The following TVP23A variants were observed in gnomAD, a reference collection of about 807,000 sequenced individuals.
TVP23A encodes trans-golgi network vesicle protein 23 homolog A, also known as Golgi apparatus membrane protein TVP23 homolog A.
Under a neutral mutation model 31.7 loss-of-function variants are expected in TVP23A, and 21 were observed. That is an observed-to-expected ratio of 0.66 (90% confidence interval 0.47 to 0.95). The LOEUF is 0.95. Among genes scored for constraint, TVP23A ranks in the 40% least tolerant of loss-of-function variants. The pLI is 0.00. For synonymous variants in TVP23A, 104 were observed against 96.0 expected (o/e 1.08, Z -0.49); for missense variants, 279 against 255.6 (o/e 1.09, Z -0.62).
Position 10,771,749 on chromosome 16 carries a change from T to C in TVP23A, c.503A>G (p.Tyr168Cys). ...GTTGCCTCCCATCTTACAAAGGATGTAGCCATACAGGTTTGCAGCTTGGAG... is the reference window on the plus strand; with the variant it reads ...GTTGCCTCCCATCTTACAAAGGATGCAGCCATACAGGTTTGCAGCTTGGAG... The part of the protein sequence containing the change: ...ISLQAANLYG[Y>C]ILCKMGGNSD... The change falls in exon 6 of 8, where the codon TAC (tyrosine) becomes TGC (cysteine). Residue 168 changes from tyrosine to cysteine, a missense_variant. Coordinates refer to ENST00000299866, the MANE Select transcript of TVP23A (RefSeq NM_001079512.4). 5 of 1,605,860 alleles carry C rather than the reference T, an allele frequency of 3.1e-6. No homozygotes were observed. Among genetic ancestry groups the C allele is most frequent in the South Asian group, 1.1e-5 (1 of 89,306 alleles).
chr16:10,770,128 C>A, intron 7 of TVP23A, 144 bp downstream of exon 7: 1 of 1,030,232 alleles, frequency 9.7e-7, no homozygotes, highest in Non-Finnish European at 1.4e-6. Flanking sequence ...GCCCATTGCC[C>A]AGTCTGCTTC....
chr16:10,785,470 C>A (rs562413082), intron 2 of TVP23A, among the ~76,000 whole-genome samples: 1 of 152,240 alleles, frequency 6.6e-6, no homozygotes, highest in African/African-American at 2.4e-5. Context: ...TCTAAGAGTA[C>A]ACAGAGAAAC....
chr16:10,775,148 A>C, intron 2 of TVP23A, 52 bp from the exon 3 acceptor site: 10 of 1,565,590 alleles, frequency 6.4e-6, no homozygotes, highest in Non-Finnish European at 7.8e-6. Flanking sequence ...GCGGATGGTC[A>C]CTGAACTCCC....
At chr16:10,758,455 C>T (rs566530523), downstream of TVP23A, among the ~76,000 whole-genome samples, 190 of 152,272 alleles carry the variant, frequency 1.2e-3, 2 homozygotes, top group African/African-American at 4.3e-3. Flanking sequence ...CCAGCGCAAG[C>T]GAGTGAGGCC....
rs755540705 is a variant in TVP23A at position 10,768,018 on chromosome 16, G to T, written c.*1084C>A. On this transcript the variant is annotated 3_prime_UTR_variant, in exon 8 of 8. Transcript: ENST00000299866. The surrounding 1 kb of genome is among the most constrained non-coding windows in gnomAD (Gnocchi z 4.3). Reference sequence around the variant, plus strand: ...GATTCCCCAGCCACGTTAGCCTACAGAAGTATAATTCAGAGTAAGTATTTC... The same window carrying T: ...GATTCCCCAGCCACGTTAGCCTACATAAGTATAATTCAGAGTAAGTATTTC... 5.6e-6 allele frequency: 9 copies of T among 1,614,060 alleles called. No individual in the cohort carries two copies. Among genetic ancestry groups the T allele is most frequent in the Non-Finnish European group, 7.6e-6 (9 of 1,179,994 alleles).
At chr16:10,763,351 AG>A (rs967062786), downstream of TVP23A, among the ~76,000 whole-genome samples, 6 of 151,852 alleles carry the variant, frequency 4.0e-5, no homozygotes, top group East Asian at 1.9e-4. Flanking sequence ...AGGAAGTGGT[AG>A]GGGGGTAGGG....
At chr16:10,814,857 C>T (rs1567321795) in intron 2 of TVP23A, among the ~76,000 whole-genome samples, 1 of 152,190 alleles carries the variant, frequency 6.6e-6, no homozygotes, top group Admixed American at 6.5e-5. Flanking sequence ...GAGCTTGGAG[C>T]TTGGTTGCTA....
At chr16:10,787,851 C>T (rs150037361) in intron 2 of TVP23A, among the ~76,000 whole-genome samples, 17 of 152,202 alleles carry the variant, frequency 1.1e-4, no homozygotes, top group Middle Eastern at 3.4e-3. Flanking sequence ...ACAACAATGC[C>T]GCTTCACTTT....
At chr16:10,795,169 C>A (rs778580723) in intron 2 of TVP23A, among the ~76,000 whole-genome samples, 1 of 151,886 alleles carries the variant, frequency 6.6e-6, no homozygotes, top group African/African-American at 2.4e-5. Context: ...TGAAAGCTAA[C>A]TGAAAGAGGC....
At chr16:10,788,669 A>C (rs2032917198) in intron 2 of TVP23A, among the ~76,000 whole-genome samples, 1 of 152,220 alleles carries the variant, frequency 6.6e-6, no homozygotes, top group African/African-American at 2.4e-5. Context: ...GAGTACAGTC[A>C]CTTAGATCTG....
At chr16:10,760,276 C>G (rs1245011265), downstream of TVP23A, among the ~76,000 whole-genome samples, 3 of 152,240 alleles carry the variant, frequency 2.0e-5, no homozygotes, top group Non-Finnish European at 2.9e-5. Context: ...TGGCATGAAG[C>G]AGCCACAGAC....
rs1023718570 is a variant in TVP23A, at chr16:10,779,417, C to A, written c.90-4321G>T. Among the ~76,000 whole-genome samples, 1 of 152,094 alleles carries A rather than the reference C, an allele frequency of 6.6e-6. No individual in the cohort carries two copies. The highest frequency in any genetic ancestry group is 2.4e-5 in the African/African-American group (1 of 41,410). ...AGTCCTGTCCACTCGTCTCTGCCAT[C>A]GGGTCCTCCATCCTCCTGCTCCCCA... is the stretch of plus-strand genomic sequence containing the variant. On this transcript the variant is annotated intron_variant, in intron 2 of 7. Transcript: ENST00000299866. The surrounding 1 kb of genome is among the most constrained non-coding windows in gnomAD (Gnocchi z 4.9).
At position 10,768,179 on chromosome 16, in the gene TVP23A, A is replaced by G. The variant is rs2031182693; in HGVS notation, c.*923T>C. 3.2e-6 allele frequency: 2 copies of G among 629,972 alleles called. No homozygotes were observed. The highest frequency in any genetic ancestry group is 1.8e-5 in the African/African-American group (1 of 54,290). The allele number at this position is 629,972 out of a possible 1,614,324, so 39.0% of individuals were successfully genotyped here. A position where few individuals can be genotyped will look rare whatever the true frequency, so the allele number is the denominator to read the frequency against. On this transcript the variant is annotated 3_prime_UTR_variant, in exon 8 of 8. Transcript: ENST00000299866. The surrounding 1 kb of genome is among the most constrained non-coding windows in gnomAD (Gnocchi z 4.3). ...TAGCCGAGGAAGCCAGGAGTCCATG[A>G]GAAATCTCTCAATGTGTGAGTATTG...
chr16:10,771,798 C>A lies in TVP23A; in HGVS notation c.454G>T (p.Ala152Ser). The stretch of plus-strand genomic sequence containing the variant: ...AGAGAGATCCCAGCAACCACCAGAG[C>A]CTGCACTCAGACAAAGAAAGCAAAG... ...TLFSLKLKWL[A>S]LVVAGISLQA... The change falls in exon 6 of 8, where the codon GCT (alanine) becomes TCT (serine). Residue 152 changes from alanine to serine, a missense_variant and splice_region_variant. By Grantham distance (99) the Ala-to-Ser change is moderately conservative. Transcript: ENST00000299866. 1 of 1,569,276 alleles carries A rather than the reference C, an allele frequency of 6.4e-7. No individual in the cohort carries two copies. Among genetic ancestry groups the A allele is most frequent in the Non-Finnish European group, 8.6e-7 (1 of 1,156,686 alleles).
intron 2 of TVP23A, among the ~76,000 whole-genome samples, chr16:10,787,773 C>T (rs139394709): frequency 1.0e-3 from 159 of 152,192 alleles, no homozygotes; most frequent in Non-Finnish European, 1.8e-3. Context: ...CCTAAATTCA[C>T]TCCTCATATG....
At chr16:10,763,024 G>T (rs1458896675), downstream of TVP23A, among the ~76,000 whole-genome samples, 3 of 152,118 alleles carry the variant, frequency 2.0e-5, no homozygotes, top group South Asian at 6.2e-4. Flanking sequence ...GTGTAGAAAG[G>T]AAGGGACACA....
At chr16:10,776,618 A>C (rs2032041839) in intron 2 of TVP23A, among the ~76,000 whole-genome samples, 1 of 152,152 alleles carries the variant, frequency 6.6e-6, no homozygotes, top group Non-Finnish European at 1.5e-5. Flanking sequence ...ACCCCAAGAG[A>C]GGGTTCTTGG....
At chr16:10,794,057 AG>A (rs1267029893) in intron 2 of TVP23A, among the ~76,000 whole-genome samples, 2 of 151,422 alleles carry the variant, frequency 1.3e-5, no homozygotes, top group Non-Finnish European at 2.9e-5. Context: ...CCAGGAGGGG[AG>A]GAACACTGTC....
At chr16:10,781,186 T>G (rs1257174621) in intron 2 of TVP23A, among the ~76,000 whole-genome samples, 1 of 151,910 alleles carries the variant, frequency 6.6e-6, no homozygotes, top group African/African-American at 2.4e-5. Context: ...AAAATTAGCC[T>G]GGGATGGTGG....
Sources: allele counts gnomAD v4.1 joint callset (sites outside exome capture counted in the v4.1 genomes callset), GRCh38; gene constraint gnomAD v4.1.1; non-coding constraint Gnocchi (gnomAD v3.1); transcripts MANE v1.5; gene names NCBI Gene and HGNC (gene_info 2026-07-23, HGNC 2026-07-21).